Variants in LRFN2 observed in about 807,000 individuals in gnomAD.
LRFN2 encodes the protein leucine-rich repeat and fibronectin type-III domain-containing protein 2.
LRFN2 carries 18 observed loss-of-function variants against 37.3 expected under a neutral mutation model. The observed-to-expected ratio is 0.48, with a 90% CI of 0.33 to 0.72. The LOEUF is 0.72. Ranked by LOEUF, LRFN2 falls within the 30% of genes least tolerant of loss-of-function variation. The pLI is 0.02. For missense variants in LRFN2, 1,006 were observed against 1,060.7 expected, an observed-to-expected ratio of 0.95 and a Z score of 0.72; for synonymous variants, 556 against 466.6, an observed-to-expected ratio of 1.19 and a Z score of -2.47.
chr6:40,463,893 G>A (rs1376382923), intron 1 of LRFN2, among the ~76,000 whole-genome samples: 1 of 152,004 alleles, frequency 6.6e-6, no homozygotes, highest in African/African-American at 2.4e-5. Context: ...GCCCAGGCTG[G>A]TCTTGAACTC....
intron 1 of LRFN2, among the ~76,000 whole-genome samples, chr6:40,568,785 G>A (rs191801226): frequency 1.2e-4 from 18 of 150,874 alleles, no homozygotes; most frequent in Non-Finnish European, 2.2e-4. Flanking sequence ...GCAATGGTGC[G>A]ATCTCGGCTC....
intron 2 of LRFN2, among the ~76,000 whole-genome samples, chr6:40,398,392 A>C (rs574657156): frequency 6.6e-6 from 1 of 151,652 alleles, no homozygotes; most frequent in African/African-American, 2.4e-5. Flanking sequence ...GCCGGACCTC[A>C]CTCTTCTCTG....
At chr6:40,505,981 C>T (rs1476204541) in intron 1 of LRFN2, among the ~76,000 whole-genome samples, 1 of 152,236 alleles carries the variant, frequency 6.6e-6, no homozygotes, top group African/African-American at 2.4e-5. Context: ...TGTTCCCCAT[C>T]TCAATATTCA....
chr6:40,530,756 T>C (rs1047460625), intron 1 of LRFN2, among the ~76,000 whole-genome samples: 1 of 152,140 alleles, frequency 6.6e-6, no homozygotes, highest in Non-Finnish European at 1.5e-5. Flanking sequence ...CTACCAGGCC[T>C]GGTCCAAGCT....
intron 1 of LRFN2, among the ~76,000 whole-genome samples, chr6:40,453,513 AACACACACACACACACAC>A (rs5875719): frequency 8.4e-6 from 1 of 119,740 alleles, no homozygotes; most frequent in African/African-American, 3.1e-5. Flanking sequence ...CCCCAAGCCA[AACACACACACACACACAC>A]ACACACACAC....
At chr6:40,404,916 C>G (rs577102713) in intron 2 of LRFN2, among the ~76,000 whole-genome samples, 2 of 152,340 alleles carry the variant, frequency 1.3e-5, no homozygotes, top group South Asian at 4.1e-4. Context: ...GGGATTCTCT[C>G]AGGCCTAGCT....
chr6:40,391,830 G>T lies in LRFN2; in HGVS notation c.*113C>A. 1 of 1,178,522 alleles carries T rather than the reference G, an allele frequency of 8.5e-7. No homozygotes were observed. The highest frequency in any genetic ancestry group is 1.2e-6 in the Non-Finnish European group (1 of 869,496). 73.0% of individuals were successfully genotyped at this position (1,178,522 alleles called of 1,614,324 possible). A position where few individuals can be genotyped will look rare whatever the true frequency, so the allele number is the denominator to read the frequency against. On this transcript the variant is annotated 3_prime_UTR_variant, in exon 3 of 3. Coordinates refer to ENST00000338305, the MANE Select transcript of LRFN2 (RefSeq NM_020737.3). ...GACACGAGGCCATTGACAGGGAGAC[G>T]AAACTGTCCCTGGATGTAAACATCA...
intron 1 of LRFN2, among the ~76,000 whole-genome samples, chr6:40,478,055 G>T (rs1038354723): frequency 6.6e-6 from 1 of 152,146 alleles, no homozygotes; most frequent in Non-Finnish European, 1.5e-5. Context: ...GCATCAGGGC[G>T]GGAAGCCACA....
chr6:40,426,698 T>A (rs1425353706), intron 2 of LRFN2, among the ~76,000 whole-genome samples: 2 of 152,208 alleles, frequency 1.3e-5, no homozygotes, highest in African/African-American at 4.8e-5. Context: ...ATACTTCGAA[T>A]AAGTTAAAGG....
chr6:40,524,959 G>A (rs1156702239), intron 1 of LRFN2, among the ~76,000 whole-genome samples: 1 of 152,236 alleles, frequency 6.6e-6, no homozygotes, highest in East Asian at 1.9e-4. Context: ...GGAGTAAGGA[G>A]AACTCGGTTC....
At chr6:40,493,059 G>A (rs1233749443) in intron 1 of LRFN2, among the ~76,000 whole-genome samples, 1 of 152,050 alleles carries the variant, frequency 6.6e-6, no homozygotes, top group Non-Finnish European at 1.5e-5. Context: ...AGGAAGAGGG[G>A]AGCAAGGAGA....
intron 1 of LRFN2, among the ~76,000 whole-genome samples, chr6:40,539,715 C>T (rs1766516742): frequency 6.6e-6 from 1 of 152,174 alleles, no homozygotes; most frequent in Admixed American, 6.5e-5. Context: ...CCCAAGACAA[C>T]TGGTTGGTTT....
chr6:40,579,036 C>G (rs938252736), intron 1 of LRFN2, among the ~76,000 whole-genome samples: 13 of 152,186 alleles, frequency 8.5e-5, no homozygotes, highest in Non-Finnish European at 1.6e-4. Flanking sequence ...AAGGACTGGT[C>G]TTTGCTCATC....
chr6:40,513,708 G>GA (rs1405882164), intron 1 of LRFN2, among the ~76,000 whole-genome samples: 4 of 152,176 alleles, frequency 2.6e-5, no homozygotes, highest in Non-Finnish European at 4.4e-5. Context: ...GTGCCAGGGA[G>GA]AAAAATAAAG....
intron 1 of LRFN2, among the ~76,000 whole-genome samples, chr6:40,453,037 A>G (rs1764148531): frequency 6.6e-6 from 1 of 152,182 alleles, no homozygotes; most frequent in South Asian, 2.1e-4. Context: ...AACTGCATTG[A>G]CAAAATAGGT....
chr6:40,454,509 G>A lies in LRFN2; in HGVS notation c.-18-21378C>T, dbSNP rs149605000. 3.0e-3 allele frequency among the ~76,000 whole-genome samples: 453 copies of A among 152,258 alleles called. 5 individuals are homozygous for A. The Middle Eastern group carries it at 0.051, about 17-fold the overall frequency. On this transcript the variant is annotated intron_variant, in intron 1 of 2. Coordinates refer to ENST00000338305, the MANE Select transcript of LRFN2 (RefSeq NM_020737.3). ...TGGGGCTGCAGGGAAGTTTTATAGGGTCATGCTGGAGGGGGTACGTGCAGA... is the reference window on the plus strand; with the variant it reads ...TGGGGCTGCAGGGAAGTTTTATAGGATCATGCTGGAGGGGGTACGTGCAGA...
chr6:40,565,048 T>C (rs116514679), intron 1 of LRFN2, among the ~76,000 whole-genome samples: 1,566 of 152,292 alleles, frequency 0.01, 36 homozygotes, highest in African/African-American at 0.036. Flanking sequence ...AAGACTGATC[T>C]GGAGTTTCTA....
chr6:40,445,129 T>C (rs1193332372), intron 1 of LRFN2, among the ~76,000 whole-genome samples: 1 of 152,182 alleles, frequency 6.6e-6, no homozygotes, highest in Non-Finnish European at 1.5e-5. Flanking sequence ...GGATGGGACA[T>C]CTTCCCTCTT....
At chr6:40,572,677 C>T (rs115857202) in intron 1 of LRFN2, among the ~76,000 whole-genome samples, 4,046 of 152,250 alleles carry the variant, frequency 0.027, 86 homozygotes, top group Admixed American at 0.039. Flanking sequence ...TATTTAGTTG[C>T]CTTAGAAGCC....
Sources: allele counts gnomAD v4.1 joint callset (sites outside exome capture counted in the v4.1 genomes callset), GRCh38; gene constraint gnomAD v4.1.1; transcripts MANE v1.5; gene names NCBI Gene and HGNC (gene_info 2026-07-23, HGNC 2026-07-21).